Variants in CSMD1 observed in about 807,000 individuals in gnomAD.
The protein encoded by CSMD1 is CUB and Sushi multiple domains 1, also known as CUB and sushi domain-containing protein 1.
CSMD1 carries 213 observed loss-of-function variants against 417.5 expected under a neutral mutation model. The ratio of observed to expected loss-of-function variants is 0.51; its 90% CI spans 0.46 to 0.57. The LOEUF is 0.57. CSMD1 is among the 20% of genes least tolerant of loss of function. The pLI is 0.00. For missense variants in CSMD1, 6,923 were observed against 4,529.7 expected (o/e 1.53, Z -15.17); for synonymous variants, 2,862 against 1,736.8 (o/e 1.65, Z -16.11).
chr8:4,762,936 T>A (rs1812212487), intron 1 of CSMD1, among the ~76,000 whole-genome samples: 1 of 152,170 alleles, frequency 6.6e-6, no homozygotes, highest in African/African-American at 2.4e-5. Flanking sequence ...ATTTTAAAAG[T>A]CTAGACTGGC....
chr8:4,708,824 G>A (rs984203467), intron 1 of CSMD1, among the ~76,000 whole-genome samples: 1 of 152,120 alleles, frequency 6.6e-6, no homozygotes, highest in African/African-American at 2.4e-5. Flanking sequence ...AGGTCATTAG[G>A]GTGGTCCCTA....
intron 7 of CSMD1, among the ~76,000 whole-genome samples, chr8:3,691,698 A>G (rs1029097850): frequency 6.6e-6 from 1 of 152,198 alleles, no homozygotes; most frequent in African/African-American, 2.4e-5. Context: ...TGTAATAAAC[A>G]AATAAAACCC....
At chr8:2,949,728 G>C (rs944022038) in intron 67 of CSMD1, among the ~76,000 whole-genome samples, 1 of 152,148 alleles carries the variant, frequency 6.6e-6, no homozygotes, top group Admixed American at 6.6e-5. Flanking sequence ...AACTCACTTT[G>C]TGTCCCAGCT....
intron 10 of CSMD1, among the ~76,000 whole-genome samples, chr8:3,506,799 G>A (rs558397107): frequency 3.9e-5 from 6 of 152,184 alleles, no homozygotes; most frequent in African/African-American, 9.6e-5. Flanking sequence ...CTCCACACCT[G>A]GATTTTTTAA....
At chr8:3,193,512 G>T (rs1415313936) in intron 33 of CSMD1, among the ~76,000 whole-genome samples, 3 of 151,972 alleles carry the variant, frequency 2.0e-5, no homozygotes, top group Non-Finnish European at 2.9e-5. Context: ...CATCCTCCCC[G>T]CCCGTCCTCT....
chr8:4,412,419 C>CT, intron 3 of CSMD1, among the ~76,000 whole-genome samples: 1 of 152,314 alleles, frequency 6.6e-6, no homozygotes, highest in Non-Finnish European at 1.5e-5. Context: ...CCTTTGCCTT[C>CT]TACCATGATT....
intron 3 of CSMD1, among the ~76,000 whole-genome samples, chr8:4,121,829 G>A (rs143155011): frequency 3.3e-5 from 5 of 151,922 alleles, no homozygotes; most frequent in African/African-American, 4.8e-5. Flanking sequence ...AAGGCTTTGG[G>A]GGGGACAAAA....
intron 3 of CSMD1, among the ~76,000 whole-genome samples, chr8:4,116,683 G>A (rs938730070): frequency 6.6e-6 from 1 of 152,044 alleles, no homozygotes; most frequent in Non-Finnish European, 1.5e-5. Flanking sequence ...ACGAGTGCAG[G>A]TGCCTGGATG....
At chr8:4,917,036 TGAA>T (rs1161307038) in intron 1 of CSMD1, among the ~76,000 whole-genome samples, 3 of 152,256 alleles carry the variant, frequency 2.0e-5, no homozygotes, top group East Asian at 3.9e-4. Flanking sequence ...GGGTAATTTT[TGAA>T]GAAGAGAGAT....
intron 1 of CSMD1, among the ~76,000 whole-genome samples, chr8:4,929,431 T>G (rs1015523441): frequency 6.6e-6 from 1 of 152,178 alleles, no homozygotes; most frequent in Non-Finnish European, 1.5e-5. Flanking sequence ...GCATTTCTAT[T>G]AGAAGTTTAA....
intron 5 of CSMD1, among the ~76,000 whole-genome samples, chr8:3,824,437 G>T (rs528236195): frequency 6.6e-6 from 1 of 152,220 alleles, no homozygotes; most frequent in African/African-American, 2.4e-5. Context: ...ACAATCCTGT[G>T]TAACTTTTCA....
At chr8:3,904,611 TTC>T (rs1056305023) in intron 5 of CSMD1, among the ~76,000 whole-genome samples, 2 of 151,506 alleles carry the variant, frequency 1.3e-5, no homozygotes, top group African/African-American at 4.9e-5. Context: ...TATTTCCTTT[TTC>T]TCTTTCTTTC....
chr8:3,948,004 G>C (rs1379964945), intron 5 of CSMD1, among the ~76,000 whole-genome samples: 1 of 152,132 alleles, frequency 6.6e-6, no homozygotes, highest in Non-Finnish European at 1.5e-5. Context: ...TCAGGTGTTC[G>C]AGACCAGCCT....
At chr8:4,042,666 G>C (rs905611522) in intron 3 of CSMD1, among the ~76,000 whole-genome samples, 2 of 151,460 alleles carry the variant, frequency 1.3e-5, no homozygotes, top group African/African-American at 2.4e-5. Context: ...AACACTATTA[G>C]CTGTTTAAAG....
intron 8 of CSMD1, among the ~76,000 whole-genome samples, chr8:3,614,619 G>A (rs762891451): frequency 6.6e-6 from 1 of 152,156 alleles, no homozygotes; most frequent in Non-Finnish European, 1.5e-5. Flanking sequence ...GATATTCTCA[G>A]ATATGAGTTA....
chr8:3,929,902 T>C lies in CSMD1; in HGVS notation c.818+68001A>G, dbSNP rs1389699660. Among the ~76,000 whole-genome samples the C allele has an allele frequency of 1.3e-5, 2 of 150,252 alleles. 1 individual carries two copies. The highest frequency in any genetic ancestry group is 3.0e-5 in the Non-Finnish European group (2 of 67,498). On this transcript the variant is annotated intron_variant, in intron 5 of 69. Coordinates refer to ENST00000635120, the MANE Select transcript of CSMD1 (RefSeq NM_033225.6). ...ATCTCCAACCCCTGACCTCAGGTGATCTACCTGCCTCAGCCTCCCAAAGCG... is the reference window on the plus strand; with the variant it reads ...ATCTCCAACCCCTGACCTCAGGTGACCTACCTGCCTCAGCCTCCCAAAGCG...
intron 5 of CSMD1, among the ~76,000 whole-genome samples, chr8:3,805,939 G>A (rs900277757): frequency 6.6e-6 from 1 of 152,128 alleles, no homozygotes; most frequent in African/African-American, 2.4e-5. Context: ...TGACACACCT[G>A]CTCTTGAAAG....
chr8:3,644,692 G>A (rs1206534797), intron 7 of CSMD1, among the ~76,000 whole-genome samples: 1 of 152,140 alleles, frequency 6.6e-6, no homozygotes, highest in African/African-American at 2.4e-5. Context: ...CCCAGAGCCA[G>A]TGAATGAGTT....
At chr8:4,667,571 T>C (rs1275772232) in intron 1 of CSMD1, among the ~76,000 whole-genome samples, 1 of 152,214 alleles carries the variant, frequency 6.6e-6, no homozygotes, top group Admixed American at 6.5e-5. Context: ...ATTCAGATTT[T>C]TATATATTTT....
Sources: allele counts gnomAD v4.1 joint callset (sites outside exome capture counted in the v4.1 genomes callset), GRCh38; gene constraint gnomAD v4.1.1; transcripts MANE v1.5; gene names NCBI Gene and HGNC (gene_info 2026-07-23, HGNC 2026-07-21).